Variants in CAMSAP1 observed in about 807,000 individuals in gnomAD.
CAMSAP1 encodes the protein calmodulin regulated spectrin associated protein 1, also known as calmodulin-regulated spectrin-associated protein 1.
A neutral mutation model predicts 143.5 loss-of-function variants in CAMSAP1; 58 were observed. The observed-to-expected ratio is 0.40, with a 90% CI of 0.33 to 0.50. The LOEUF is 0.50. Ranked by LOEUF, CAMSAP1 falls within the 20% of genes least tolerant of loss-of-function variation. The probability of loss-of-function intolerance (pLI) is 0.45; values close to 1 mark genes in which losing one functional copy is unlikely to be tolerated. For synonymous variants in CAMSAP1, 945 were observed against 859.3 expected, an observed-to-expected ratio of 1.10 and a Z score of -1.74; for missense variants, 1,969 against 2,115.7, an observed-to-expected ratio of 0.93 and a Z score of 1.36.
intron 1 of CAMSAP1, among the ~76,000 whole-genome samples, chr9:135,884,013 T>C (rs1051168143): frequency 3.9e-5 from 6 of 152,066 alleles, no homozygotes; most frequent in Non-Finnish European, 5.9e-5. Flanking sequence ...CCTCACACTG[T>C]CTCACAAGAC....
rs377423797 is a variant in CAMSAP1 at position 135,897,683 on chromosome 9, T to TA, written c.160+9316dup. On this transcript the variant is annotated intron_variant, in intron 1 of 16. Transcript: ENST00000389532. ...ATGGTGGGATGTCAGGAGCAGATGA[T>TA]ATCAATGACTTACGAGAACAGCATA... 2.9e-3 allele frequency among the ~76,000 whole-genome samples: 444 copies of TA among 152,216 alleles called. 2 individuals carry two copies. The highest frequency in any genetic ancestry group is 0.01 in the African/African-American group (417 of 41,516).
intron 1 of CAMSAP1, among the ~76,000 whole-genome samples, chr9:135,902,031 G>A (rs1459097213): frequency 1.3e-5 from 2 of 152,172 alleles, no homozygotes; most frequent in Non-Finnish European, 2.9e-5. Context: ...ACAGCAGTAA[G>A]TGGGACAACC....
chr9:135,848,244 G>A (rs1314445607), intron 7 of CAMSAP1, among the ~76,000 whole-genome samples: 1 of 151,902 alleles, frequency 6.6e-6, no homozygotes, highest in Non-Finnish European at 1.5e-5. Context: ...ATTAGTTCAA[G>A]GTCACCCGTG....
intron 3 of CAMSAP1, among the ~76,000 whole-genome samples, chr9:135,869,949 C>A (rs921146754): frequency 2.0e-5 from 3 of 152,158 alleles, no homozygotes; most frequent in African/African-American, 7.2e-5. Flanking sequence ...CTGTATGATA[C>A]CATTCATAAA....
At chr9:135,840,892 C>G (rs1054018877) in intron 7 of CAMSAP1, among the ~76,000 whole-genome samples, 5 of 152,196 alleles carry the variant, frequency 3.3e-5, no homozygotes, top group African/African-American at 1.2e-4. Context: ...ACCACCAGGG[C>G]CCTGGGTTTC....
intron 7 of CAMSAP1, among the ~76,000 whole-genome samples, chr9:135,844,846 A>G (rs544415613): frequency 7.2e-5 from 11 of 152,324 alleles, no homozygotes; most frequent in African/African-American, 2.6e-4. Flanking sequence ...GAATAGACCA[A>G]TAACAAGTTC....
intron 1 of CAMSAP1, among the ~76,000 whole-genome samples, chr9:135,890,047 G>C (rs2131003577): frequency 6.6e-6 from 1 of 152,302 alleles, no homozygotes; most frequent in East Asian, 1.9e-4. Flanking sequence ...CCTCGGGGTG[G>C]GATGGGAGGG....
intron 7 of CAMSAP1, chr9:135,837,073 C>T (rs191358136): frequency 1.9e-5 from 11 of 565,228 alleles, no homozygotes; most frequent in Non-Finnish European, 2.2e-5. Context: ...TCTACAGACA[C>T]ACATCATCAC....
At chr9:135,900,106 G>A (rs1311009207) in intron 1 of CAMSAP1, among the ~76,000 whole-genome samples, 1 of 152,122 alleles carries the variant, frequency 6.6e-6, no homozygotes, top group Non-Finnish European at 1.5e-5. Context: ...GCTCTCTGCA[G>A]GCTCAATCTC....
intron 7 of CAMSAP1, among the ~76,000 whole-genome samples, chr9:135,833,516 C>T (rs1382474361): frequency 6.6e-6 from 1 of 151,858 alleles, no homozygotes; most frequent in East Asian, 1.9e-4. Flanking sequence ...TTGAGGTATA[C>T]GGTTAACTAA....
rs991351626 is a variant in CAMSAP1, at chr9:135,845,117, A to G, written c.1045+5020T>C. ...ATGAACATCGATGCAAAAATCCTCA[A>G]TAAAATACTGGCAAACTGAATCCAG... On this transcript the variant is annotated intron_variant, in intron 7 of 16. Coordinates refer to ENST00000389532, the MANE Select transcript of CAMSAP1 (RefSeq NM_015447.4). Among the ~76,000 whole-genome samples the G allele has an allele frequency of 2.6e-4, 40 of 152,204 alleles. 3 individuals are homozygous for G. The highest frequency in any genetic ancestry group is 2.9e-5 in the Non-Finnish European group (2 of 68,046).
At chr9:135,880,283 C>T (rs756481937) in intron 3 of CAMSAP1, among the ~76,000 whole-genome samples, 11 of 152,100 alleles carry the variant, frequency 7.2e-5, no homozygotes, top group Admixed American at 5.2e-4. Flanking sequence ...CCCACATGCA[C>T]GCCGCCAGGT....
chr9:135,814,639 C>A (rs1219911167), intron 16 of CAMSAP1, among the ~76,000 whole-genome samples: 1 of 152,190 alleles, frequency 6.6e-6, no homozygotes, highest in Admixed American at 6.5e-5. Context: ...CCCAACCCAC[C>A]ACTCCGTCCT....
intron 5 of CAMSAP1, among the ~76,000 whole-genome samples, chr9:135,854,858 T>C (rs1836899073): frequency 6.6e-6 from 1 of 152,156 alleles, no homozygotes; most frequent in African/African-American, 2.4e-5. Context: ...TACAAATTAT[T>C]TCATCACCCA....
intron 3 of CAMSAP1, among the ~76,000 whole-genome samples, chr9:135,877,840 C>T (rs1162126279): frequency 6.6e-6 from 1 of 152,038 alleles, no homozygotes; most frequent in African/African-American, 2.4e-5. Flanking sequence ...AAAGAGACAA[C>T]AACAACAACT....
chr9:135,893,778 A>G (rs1200378571), intron 1 of CAMSAP1, among the ~76,000 whole-genome samples: 1 of 152,226 alleles, frequency 6.6e-6, no homozygotes, highest in Non-Finnish European at 1.5e-5. Context: ...GACGAAATCC[A>G]AAGACAAAGA....
intron 16 of CAMSAP1, among the ~76,000 whole-genome samples, chr9:135,813,984 C>T (rs1033390523): frequency 3.3e-5 from 5 of 152,230 alleles, no homozygotes; most frequent in African/African-American, 1.2e-4. Flanking sequence ...GTGGCTGTGG[C>T]TCCCTCCACA....
chr9:135,833,182 C>T (rs553800352), intron 7 of CAMSAP1, among the ~76,000 whole-genome samples: 6 of 151,450 alleles, frequency 4.0e-5, no homozygotes, highest in Admixed American at 6.6e-5. Flanking sequence ...CCCGGATTCA[C>T]GCCATTCTCT....
At chr9:135,834,847 G>T (rs1835966127) in intron 7 of CAMSAP1, among the ~76,000 whole-genome samples, 1 of 152,160 alleles carries the variant, frequency 6.6e-6, no homozygotes, top group Non-Finnish European at 1.5e-5. Context: ...ATGTATACGT[G>T]TATCAAAACA....
Sources: allele counts gnomAD v4.1 joint callset (sites outside exome capture counted in the v4.1 genomes callset), GRCh38; gene constraint gnomAD v4.1.1; transcripts MANE v1.5; gene names NCBI Gene and HGNC (gene_info 2026-07-23, HGNC 2026-07-21).